The following F10 variants were observed in gnomAD, a reference collection of about 807,000 sequenced individuals.
F10 encodes coagulation factor X.
A neutral mutation model predicts 37.1 loss-of-function variants in F10; 29 were observed. That is an observed-to-expected ratio of 0.78 (90% CI 0.58 to 1.07). F10 has a LOEUF of 1.07. Among genes scored for constraint, F10 ranks in the 50% least tolerant of loss-of-function variants. The probability of loss-of-function intolerance (pLI) is 0.00; values close to 1 mark genes in which losing one functional copy is unlikely to be tolerated. For synonymous variants in F10, 262 were observed against 268.6 expected (o/e 0.98, Z 0.24); for missense variants, 539 against 667.9 (o/e 0.81, Z 2.13).
chr13:113,129,071 G>A (rs1208920606), intron 1 of F10, among the ~76,000 whole-genome samples: 2 of 152,148 alleles, frequency 1.3e-5, no homozygotes, highest in Non-Finnish European at 2.9e-5. Context: ...TATATGTCAT[G>A]TGATCCTATA....
chr13:113,123,409 C>G (rs937113900), intron 1 of F10, among the ~76,000 whole-genome samples: 1 of 152,138 alleles, frequency 6.6e-6, no homozygotes, highest in African/African-American at 2.4e-5. Context: ...GGACTGGCTC[C>G]GTCGGGGAAG....
At chr13:113,129,879 C>T (rs918145899) in intron 2 of F10, 3 of 519,658 alleles carry the variant, frequency 5.8e-6, no homozygotes, top group Non-Finnish European at 7.0e-6. Context: ...GGGCTTCTGC[C>T]AGAGTTAAGT....
rs1308164115 is a variant in F10 at position 113,141,042 on chromosome 13, T to G, written c.494T>G (p.Ile165Ser). Reference protein sequence around the residue: ...YTLADNGKACIPTGPYPCGKQ... With the variant: ...YTLADNGKACSPTGPYPCGKQ... ...CTGGCTGACAACGGCAAGGCCTGCA[T>G]TCCCACAGGTAGGAGGCACGTTGGG... Residue 165 changes from isoleucine to serine, a missense_variant, in exon 5 of 8, where the codon ATT becomes AGT. Coordinates refer to ENST00000375559, the MANE Select transcript of F10 (RefSeq NM_000504.4). The surrounding 1 kb of genome is among the most constrained non-coding windows in gnomAD (Gnocchi z 5.4). 3.1e-6 allele frequency: 5 copies of G among 1,613,620 alleles called. No homozygotes were observed. Among genetic ancestry groups the G allele is most frequent in the Non-Finnish European group, 4.2e-6 (5 of 1,180,014 alleles).
chr13:113,131,378 G>A (rs2036432809), intron 2 of F10: 1 of 152,218 alleles, frequency 6.6e-6, no homozygotes, highest in African/African-American at 2.4e-5. Flanking sequence ...GATTATGTCA[G>A]GGATGAAGCA....
At chr13:113,137,156 A>G (rs558550815) in intron 2 of F10, among the ~76,000 whole-genome samples, 10 of 152,252 alleles carry the variant, frequency 6.6e-5, no homozygotes, top group Non-Finnish European at 1.3e-4. Flanking sequence ...CCCATACAAT[A>G]TAACAGTTGT....
chr13:113,125,134 A>G (rs772437747), intron 1 of F10, among the ~76,000 whole-genome samples: 103 of 152,308 alleles, frequency 6.8e-4, no homozygotes, highest in Non-Finnish European at 1.2e-3. Flanking sequence ...GAAAGACATG[A>G]ATTTGGAGGG....
At chr13:113,148,007 C>A (rs1164884835) in intron 7 of F10, among the ~76,000 whole-genome samples, 2 of 152,134 alleles carry the variant, frequency 1.3e-5, no homozygotes, top group African/African-American at 4.8e-5. Context: ...ATTTTTCTAA[C>A]ATTAAATGTT....
rs566878554 is a variant in F10, at chr13:113,140,720, G to A, written c.371-199G>A. ...CTGGAGCCTGGCTTCTGGCTACACC[G>A]GGCACTGCACCATGAGCTCCCCGTG... On this transcript the variant is annotated intron_variant, in intron 4 of 7. Transcript: ENST00000375559. The A allele has an allele frequency of 1.8e-4, 141 of 767,666 alleles. No homozygotes were observed. In the Middle Eastern group the frequency reaches 3.6e-3, roughly 20 times the overall value. 47.6% of individuals were successfully genotyped at this position (767,666 alleles called of 1,614,324 possible). A position where few individuals can be genotyped will look rare whatever the true frequency, so the allele number is the denominator to read the frequency against.
At position 113,149,436 on chromosome 13, in the gene F10, C is replaced by T. The variant is rs748837903; in HGVS notation, c.1386C>T (p.Ile462=). Residue 462 remains isoleucine (I), a synonymous_variant, in exon 8 of 8, where the codon ATC becomes ATT. Coordinates refer to ENST00000375559, the MANE Select transcript of F10 (RefSeq NM_000504.4). The surrounding 1 kb of genome is among the most constrained non-coding windows in gnomAD (Gnocchi z 7.5). The part of the protein sequence containing the change: ...YTKVTAFLKW[I]DRSMKTRGLP... ...AGGTCACCGCCTTCCTCAAGTGGAT[C>T]GACAGGTCCATGAAAACCAGGGGCT... is the stretch of plus-strand genomic sequence containing the variant. 9.3e-6 allele frequency: 15 copies of T among 1,613,204 alleles called. No individual in the cohort carries two copies. Among genetic ancestry groups the T allele is most frequent in the Non-Finnish European group, 1.2e-5 (14 of 1,179,916 alleles).
chr13:113,133,306 TA>T (rs1203727994), intron 2 of F10, among the ~76,000 whole-genome samples: 1 of 151,506 alleles, frequency 6.6e-6, no homozygotes, highest in Non-Finnish European at 1.5e-5. Context: ...CTGACAGGAA[TA>T]AAAACAAACA....
Position 113,146,239 on chromosome 13 carries a change from A to G in F10, c.748-1140A>G, listed in dbSNP as rs2036581555. ...GAAACCATGAAGCCTCTCTGTGACC[A>G]ATACACAGAAATCTCAACCTAGTTA... On this transcript the variant is annotated intron_variant, in intron 6 of 7. Transcript: ENST00000375559. The surrounding 1 kb of genome is among the most constrained non-coding windows in gnomAD (Gnocchi z 4.5). Among the ~76,000 whole-genome samples, 1 of 152,160 alleles carries G rather than the reference A, an allele frequency of 6.6e-6. No homozygotes were observed. The highest frequency in any genetic ancestry group is 1.5e-5 in the Non-Finnish European group (1 of 68,022).
At chr13:113,123,203 C>T (rs574591586) in intron 1 of F10, among the ~76,000 whole-genome samples, 9 of 152,074 alleles carry the variant, frequency 5.9e-5, no homozygotes, top group East Asian at 1.9e-4. Context: ...GAAGGAGAAA[C>T]GGAGACACAG....
chr13:113,133,197 A>G (rs2036449217), intron 2 of F10, among the ~76,000 whole-genome samples: 1 of 152,184 alleles, frequency 6.6e-6, no homozygotes, highest in East Asian at 1.9e-4. Flanking sequence ...AGAAAAAAAG[A>G]AAAAAATAAA....
In F10 at chr13:113,149,408, C is replaced by G. The variant is rs374532038; in HGVS notation, c.1358C>G (p.Thr453Ser). ...CARKGKYGIY[T>S]KVTAFLKWID... is the part of the protein sequence containing the mutation. ...CGTAAGGGGAAGTACGGGATCTACA[C>G]CAAGGTCACCGCCTTCCTCAAGTGG... Residue 453 changes from threonine to serine, a missense_variant, in exon 8 of 8, where the codon ACC (threonine) becomes AGC (serine). Physicochemically the swap from Thr to Ser is moderately conservative, Grantham distance 58 (BLOSUM62 1). This residue lies in a region of F10 where 409 missense variants were observed against 547.9 expected (regional missense o/e 0.75). Transcript: ENST00000375559. The surrounding 1 kb of genome is among the most constrained non-coding windows in gnomAD (Gnocchi z 7.5). The G allele has an allele frequency of 1.2e-6, 2 of 1,613,126 alleles. No individual in the cohort carries two copies. Among genetic ancestry groups the G allele is most frequent in the Non-Finnish European group, 1.7e-6 (2 of 1,179,792 alleles).
chr13:113,147,721 C>T (rs894283168), intron 7 of F10, among the ~76,000 whole-genome samples: 4 of 152,106 alleles, frequency 2.6e-5, no homozygotes, highest in African/African-American at 9.7e-5. Flanking sequence ...CAGCCCTTCT[C>T]CCACTGGGTG....
At position 113,139,920 on chromosome 13, in the gene F10, A is replaced by T. The variant is rs905139238; in HGVS notation, c.370+450A>T. On this transcript the variant is annotated intron_variant, in intron 4 of 7. Coordinates refer to ENST00000375559, the MANE Select transcript of F10 (RefSeq NM_000504.4). The surrounding 1 kb of genome is among the most constrained non-coding windows in gnomAD (Gnocchi z 5.2). ...ATATTTGTGATTGGCCAATTATAAA[A>T]ATTTGATACATTTAATTAGTTCTAC... is the stretch of plus-strand genomic sequence containing the variant. 5.9e-5 allele frequency among the ~76,000 whole-genome samples: 9 copies of T among 152,186 alleles called. No homozygotes were observed. The highest frequency in any genetic ancestry group is 1.0e-4 in the Non-Finnish European group (7 of 68,040).
At chr13:113,129,387 A>C (rs2142251767) in intron 1 of F10, 65 bp from the exon 2 acceptor site, 1 of 1,265,308 alleles carries the variant, frequency 7.9e-7, no homozygotes, top group Non-Finnish European at 1.1e-6. Context: ...GTCAGGGAGC[A>C]TAGGTGAGGG....
chr13:113,145,265 A>G lies in F10; in HGVS notation c.747+1170A>G, dbSNP rs58565290. The stretch of plus-strand genomic sequence containing the variant: ...GGTCTCAAACTCCAGGCCTCATGTG[A>G]TCCACCCTCCTCAGCCACCCAAAGT... On this transcript the variant is annotated intron_variant, in intron 6 of 7. Coordinates refer to ENST00000375559, the MANE Select transcript of F10 (RefSeq NM_000504.4). Among the ~76,000 whole-genome samples the G allele has an allele frequency of 6.7e-4, 102 of 152,276 alleles. 1 individual carries two copies. The East Asian group carries it at 0.014, about 22-fold the overall frequency.
chr13:113,147,777 C>G (rs1286498712), intron 7 of F10, among the ~76,000 whole-genome samples: 2 of 152,166 alleles, frequency 1.3e-5, no homozygotes, highest in Non-Finnish European at 2.9e-5. Context: ...GTCTCTGGGT[C>G]TGCATGTCCA....
Sources: allele counts gnomAD v4.1 joint callset (sites outside exome capture counted in the v4.1 genomes callset), GRCh38; gene constraint gnomAD v4.1.1; regional missense constraint gnomAD v4.1.1; non-coding constraint Gnocchi (gnomAD v3.1); transcripts MANE v1.5; gene names NCBI Gene and HGNC (gene_info 2026-07-23, HGNC 2026-07-21).